ATP2B2: variants seen among roughly 807,000 people sequenced by gnomAD.
The protein encoded by ATP2B2 is ATPase plasma membrane Ca2+ transporting 2.
A neutral mutation model predicts 120.0 loss-of-function variants in ATP2B2; 15 were observed. That is an observed-to-expected ratio of 0.12 (90% confidence interval 0.08 to 0.19). The LOEUF (loss-of-function observed/expected upper bound fraction) is 0.19, where lower values mean the gene tolerates loss of function less well. Among genes scored for constraint, ATP2B2 ranks in the 10% least tolerant of loss-of-function variants. The probability of loss-of-function intolerance (pLI) is 1.00; values close to 1 mark genes in which losing one functional copy is unlikely to be tolerated. For missense variants in ATP2B2, 1,045 were observed against 1,719.8 expected (o/e 0.61, Z 6.94); for synonymous variants, 694 against 700.3 (o/e 0.99, Z 0.14).
chr3:10,548,952 G>A (rs1243193195), intron 2 of ATP2B2, among the ~76,000 whole-genome samples: 2 of 152,186 alleles, frequency 1.3e-5, no homozygotes, highest in African/African-American at 4.8e-5. Context: ...GTGAGACTGA[G>A]CATCTAATGA....
intron 7 of ATP2B2, 105 bp from the exon 8 acceptor site, chr3:10,385,432 T>TAA (rs113091828): frequency 3.6e-4 from 290 of 794,832 alleles, no homozygotes; most frequent in African/African-American, 7.4e-4. Flanking sequence ...ACTCTATTCT[T>TAA]AAAAAAAAAA....
Position 10,402,942 on chromosome 3 carries a change from T to C in ATP2B2, c.398-594A>G, listed in dbSNP as rs2062274494. Among the ~76,000 whole-genome samples the C allele has an allele frequency of 6.6e-6, 1 of 152,048 alleles. No individual in the cohort carries two copies. The highest frequency in any genetic ancestry group is 1.5e-5 in the Non-Finnish European group (1 of 68,048). The stretch of plus-strand genomic sequence containing the variant: ...GAGTAAGTGAGGTATTTTTCTTTTT[T>C]TCCAGAACAAAGGCAGCCAATATTA... On this transcript the variant is annotated intron_variant, in intron 3 of 22. Transcript: ENST00000360273. The surrounding 1 kb of genome is among the most constrained non-coding windows in gnomAD (Gnocchi z 4.9).
chr3:10,604,481 G>C (rs1299350794), intron 2 of ATP2B2, among the ~76,000 whole-genome samples: 3 of 152,100 alleles, frequency 2.0e-5, no homozygotes, highest in Non-Finnish European at 2.9e-5. Context: ...CCAGGTCTTG[G>C]CCCCCAGCTA....
chr3:10,680,577 C>T (rs574174111), intron 1 of ATP2B2, among the ~76,000 whole-genome samples: 47 of 152,230 alleles, frequency 3.1e-4, no homozygotes, highest in Non-Finnish European at 6.2e-4. Flanking sequence ...ACAGTGAATC[C>T]ATACTCAGCA....
chr3:10,410,555 C>T, intron 3 of ATP2B2, 63 bp downstream of exon 3: 1 of 1,509,684 alleles, frequency 6.6e-7, no homozygotes, highest in Non-Finnish European at 9.0e-7. Context: ...CCGTGAGTGC[C>T]CCCCAGCGTG....
At position 10,358,890 on chromosome 3, in the gene ATP2B2, C is replaced by T. The variant is rs199797486; in HGVS notation, c.1937G>A (p.Arg646His). 3.8e-5 allele frequency: 61 copies of T among 1,613,838 alleles called. No homozygotes were observed. The highest frequency in any genetic ancestry group is 4.2e-5 in the Non-Finnish European group (50 of 1,180,020). The change falls in exon 14 of 23, where the codon CGT (arginine) becomes CAT (histidine). Residue 646 changes from arginine to histidine, a missense_variant. Physicochemically the swap from Arg to His is conservative, Grantham distance 29. This residue lies in a region of ATP2B2 where 343 missense variants were observed against 536.8 expected (regional missense o/e 0.64). Transcript: ENST00000360273. Reference protein sequence around the residue: ...CKILNGAGEPRVFRPRDRDEM... With the variant: ...CKILNGAGEPHVFRPRDRDEM... ...GTCCCGGTCGCGGGGCCGGAAGACA[C>T]GAGGCTCTCCCGCCCCATTGAGGAT...
chr3:10,608,128 G>A (rs979875441), intron 2 of ATP2B2, among the ~76,000 whole-genome samples: 1 of 152,210 alleles, frequency 6.6e-6, no homozygotes, highest in Admixed American at 6.5e-5. Context: ...TGACTCCACT[G>A]CCTTGGTCTA....
chr3:10,332,057 G>C, intron 22 of ATP2B2: 1 of 1,548,852 alleles, frequency 6.5e-7, no homozygotes, highest in South Asian at 1.2e-5. Flanking sequence ...CAAACACATG[G>C]AATATTCAGA....
At chr3:10,576,360 C>A (rs913067082) in intron 2 of ATP2B2, among the ~76,000 whole-genome samples, 3 of 152,160 alleles carry the variant, frequency 2.0e-5, no homozygotes, top group Admixed American at 2.0e-4. Flanking sequence ...ACACTGAGCT[C>A]AATCAGAATG....
At chr3:10,370,508 C>T (rs1387605651) in intron 12 of ATP2B2, among the ~76,000 whole-genome samples, 1 of 152,238 alleles carries the variant, frequency 6.6e-6, no homozygotes, top group East Asian at 1.9e-4. Flanking sequence ...CTGCATGGGT[C>T]CTCTGACCTA....
At chr3:10,406,614 T>G (rs6798693) in intron 3 of ATP2B2, among the ~76,000 whole-genome samples, 1 of 152,042 alleles carries the variant, frequency 6.6e-6, no homozygotes, top group South Asian at 2.1e-4. Flanking sequence ...GGCTGTGCCA[T>G]CTAGGTATGT....
chr3:10,375,681 G>A lies in ATP2B2; in HGVS notation c.1202-37C>T, dbSNP rs759259289. 2 of 1,593,290 alleles carry A rather than the reference G, an allele frequency of 1.3e-6. No individual in the cohort carries two copies. The highest frequency in any genetic ancestry group is 2.2e-5 in the East Asian group (1 of 44,664). Reference sequence around the variant, plus strand: ...GGGACACATGCTTGGGGGGTTCCAGGAAGTGGAGGCTGGGGGTGGTGTGGA... The same window carrying A: ...GGGACACATGCTTGGGGGGTTCCAGAAAGTGGAGGCTGGGGGTGGTGTGGA... On this transcript the variant is annotated intron_variant, in intron 10 of 22. Transcript: ENST00000360273. This position sits in a 1 kb window ranked among gnomAD's most constrained non-coding sequence, Gnocchi z 4.2.
chr3:10,506,707 C>T (rs941946260), upstream of ATP2B2, among the ~76,000 whole-genome samples: 2 of 152,218 alleles, frequency 1.3e-5, 1 homozygote, highest in Admixed American at 1.3e-4. Flanking sequence ...GGACCAGTGT[C>T]TCAGGGCACC....
chr3:10,606,034 C>T (rs1003542776), intron 2 of ATP2B2, among the ~76,000 whole-genome samples: 5 of 152,076 alleles, frequency 3.3e-5, no homozygotes, highest in African/African-American at 1.2e-4. Flanking sequence ...GGGAGGTTTG[C>T]TTGAGTCCAG....
At chr3:10,543,249 A>G (rs2067476049) in intron 2 of ATP2B2, among the ~76,000 whole-genome samples, 1 of 152,218 alleles carries the variant, frequency 6.6e-6, no homozygotes, top group Non-Finnish European at 1.5e-5. Context: ...AAAATAAATT[A>G]CTGTTGTTTA....
At chr3:10,415,536 C>T (rs1254136976) in intron 2 of ATP2B2, among the ~76,000 whole-genome samples, 2 of 152,134 alleles carry the variant, frequency 1.3e-5, no homozygotes, top group African/African-American at 4.8e-5. Context: ...ACTTGGTATC[C>T]AAAGACAGGG....
chr3:10,701,199 C>T (rs2071812373), intron 1 of ATP2B2, among the ~76,000 whole-genome samples: 1 of 152,202 alleles, frequency 6.6e-6, no homozygotes, highest in South Asian at 2.1e-4. Context: ...CTTATCTACT[C>T]CTGATGGCAG....
At chr3:10,693,642 TAG>T (rs1228626214) in intron 1 of ATP2B2, among the ~76,000 whole-genome samples, 26 of 152,254 alleles carry the variant, frequency 1.7e-4, no homozygotes, top group African/African-American at 5.1e-4. Flanking sequence ...ATTCTAGCAA[TAG>T]AGATATGAGC....
intron 2 of ATP2B2, among the ~76,000 whole-genome samples, chr3:10,595,280 C>CT (rs34763025): frequency 0.01 from 1,557 of 152,266 alleles, 25 homozygotes; most frequent in African/African-American, 0.035. Context: ...AGGAGGCGTG[C>CT]TGGAGGTTCT....
Sources: gnomAD v4.1 joint callset for allele counts (sites outside exome capture counted in the v4.1 genomes callset) on GRCh38, gnomAD v4.1.1 for gene constraint, gnomAD v4.1.1 regional missense constraint, Gnocchi (gnomAD v3.1) non-coding constraint, MANE v1.5 for transcripts, NCBI Gene and HGNC (gene_info 2026-07-23, HGNC 2026-07-21) for gene names.